HDLBP: variants seen among roughly 807,000 people sequenced by gnomAD.
HDLBP encodes high density lipoprotein binding protein.
HDLBP carries 30 observed loss-of-function variants against 137.3 expected under a neutral mutation model. The ratio of observed to expected loss-of-function variants is 0.22; its 90% CI spans 0.16 to 0.30. The LOEUF is 0.30. Among genes scored for constraint, HDLBP ranks in the 10% least tolerant of loss-of-function variants. The pLI is 1.00. For missense variants in HDLBP, 1,119 were observed against 1,667.3 expected, an observed-to-expected ratio of 0.67 and a Z score of 5.73; for synonymous variants, 606 against 596.0, an observed-to-expected ratio of 1.02 and a Z score of -0.24.
At chr2:241,235,382 C>A in intron 22 of HDLBP, 108 bp downstream of exon 22, 1 of 1,489,992 alleles carries the variant, frequency 6.7e-7, no homozygotes, top group East Asian at 2.3e-5. Flanking sequence ...GTGCCCAGTC[C>A]GAGCAGGAGG....
chr2:241,269,149 A>G (rs1185935597), intron 1 of HDLBP: 1 of 152,270 alleles, frequency 6.6e-6, no homozygotes, highest in Non-Finnish European at 1.5e-5. Flanking sequence ...AGGAACCTTC[A>G]AAGGCTGTCT....
intron 1 of HDLBP, among the ~76,000 whole-genome samples, chr2:241,278,631 C>T (rs2074485732): frequency 6.6e-6 from 1 of 151,896 alleles, no homozygotes; most frequent in African/African-American, 2.4e-5. Context: ...TAACCCATTC[C>T]TAATAGCAAC....
chr2:241,262,599 C>T (rs185770721), intron 5 of HDLBP, 112 bp downstream of exon 5: 34 of 750,090 alleles, frequency 4.5e-5, no homozygotes, highest in Non-Finnish European at 5.7e-5. Flanking sequence ...CTCCAAAAGA[C>T]GGAACTGTCC....
chr2:241,263,485 A>G (rs2073369987), intron 4 of HDLBP, among the ~76,000 whole-genome samples: 1 of 152,278 alleles, frequency 6.6e-6, no homozygotes, highest in Non-Finnish European at 1.5e-5. Context: ...GAGGAGGGAC[A>G]AGGTGGAAGC....
In HDLBP at chr2:241,253,404, C is replaced by G. The variant is rs1223550181; in HGVS notation, c.1282G>C (p.Val428Leu). The change falls in exon 10 of 28, where the codon GTC (valine) becomes CTC (leucine). Residue 428 changes from valine to leucine, a missense_variant. Physicochemically the swap from Val to Leu is conservative, Grantham distance 32 (BLOSUM62 1). This residue lies in a region of HDLBP where 425 missense variants were observed against 693.9 expected (regional missense o/e 0.61). Coordinates refer to ENST00000310931, the MANE Select transcript of HDLBP (RefSeq NM_005336.6). ...AAGGGGTACCTTACCAAATCTTTGACCATGCCTTCTATCTGTTCCTGGGCC... is the reference window on the plus strand; with the variant it reads ...AAGGGGTACCTTACCAAATCTTTGAGCATGCCTTCTATCTGTTCCTGGGCC... ...NVAQEQIEGM[V>L]KDLINRMDYV... is the part of the protein sequence containing the mutation. 6.2e-7 allele frequency: 1 copy of G among 1,606,486 alleles called. No individual in the cohort carries two copies. The highest frequency in any genetic ancestry group is 1.3e-5 in the African/African-American group (1 of 74,792).
intron 1 of HDLBP, among the ~76,000 whole-genome samples, chr2:241,304,394 A>T (rs546795414): frequency 8.5e-5 from 13 of 152,348 alleles, no homozygotes; most frequent in African/African-American, 3.1e-4. Flanking sequence ...TATCAGCCTT[A>T]GAGCTGGATC....
In HDLBP at chr2:241,249,963, G is replaced by C. The variant is rs1559501621; in HGVS notation, c.1390C>G (p.Gln464Glu). The C allele has an allele frequency of 1.2e-6, 2 of 1,605,000 alleles. No homozygotes were observed. The highest frequency in any genetic ancestry group is 1.7e-6 in the Non-Finnish European group (2 of 1,177,280). ...SGANINRIKDQYKVSVRIPPD... is the reference protein window; with the variant it reads ...SGANINRIKDEYKVSVRIPPD... ...GGGATGCGCACGGACACCTTGTACT[G>C]GTCTTTGATTCTGTTTACTTAGGAA... is the stretch of plus-strand genomic sequence containing the variant. Residue 464 changes from glutamine (Q) to glutamate (E), a missense_variant, in exon 12 of 28, where the codon CAG becomes GAG. Transcript: ENST00000310931.
At chr2:241,242,177 C>G (rs74000620) in intron 17 of HDLBP, among the ~76,000 whole-genome samples, 2 of 152,254 alleles carry the variant, frequency 1.3e-5, no homozygotes, top group Admixed American at 6.5e-5. Flanking sequence ...TCAACTATAC[C>G]TGAAGAATGG....
chr2:241,256,578 G>A (rs370832987), intron 6 of HDLBP, 22 bp downstream of exon 6: 34 of 1,610,104 alleles, frequency 2.1e-5, no homozygotes, highest in African/African-American at 1.3e-4. Context: ...GCAGGGGCAC[G>A]AGGCACTCAC....
rs984573802 is a variant in HDLBP at position 241,272,602 on chromosome 2, G to A, written c.-102-4061C>T. On this transcript the variant is annotated intron_variant, in intron 1 of 27. Coordinates refer to ENST00000310931, the MANE Select transcript of HDLBP (RefSeq NM_005336.6). The surrounding 1 kb of genome is among the most constrained non-coding windows in gnomAD (Gnocchi z 5.6). ...GCGGTAAGCAGGACACCCGCGGGCG[G>A]GGGCCGCAGCCTGGGGCCCGGGTGG... 6.1e-6 allele frequency: 6 copies of A among 982,566 alleles called. No homozygotes were observed. Among genetic ancestry groups the A allele is most frequent in the Non-Finnish European group, 7.2e-6 (6 of 828,334 alleles). 60.9% of individuals were successfully genotyped at this position (982,566 alleles called of 1,614,324 possible).
chr2:241,298,673 T>C (rs564049065), intron 1 of HDLBP, among the ~76,000 whole-genome samples: 1 of 152,322 alleles, frequency 6.6e-6, no homozygotes, highest in Admixed American at 6.5e-5. Context: ...AGCACCTGAA[T>C]CAAGCAAGTA....
chr2:241,270,377 G>C (rs2073960083), intron 1 of HDLBP, among the ~76,000 whole-genome samples: 1 of 152,170 alleles, frequency 6.6e-6, no homozygotes, highest in Non-Finnish European at 1.5e-5. Flanking sequence ...ATTCCAAGTG[G>C]CAGTTTGTCA....
chr2:241,298,567 A>G (rs950706150), intron 1 of HDLBP, among the ~76,000 whole-genome samples: 6 of 152,204 alleles, frequency 3.9e-5, no homozygotes, highest in South Asian at 2.1e-4. Flanking sequence ...AAGTTGAGAT[A>G]GTTGAGATAA....
Position 241,272,359 on chromosome 2 carries a change from A to G in HDLBP, c.-102-3818T>C, listed in dbSNP as rs1284224562. On this transcript the variant is annotated intron_variant, in intron 1 of 27. Transcript: ENST00000310931. This position sits in a 1 kb window ranked among gnomAD's most constrained non-coding sequence, Gnocchi z 5.6. ...AGGGCCGGCCCCGCCAACGTCAGCG[A>G]CCTGGGCTCAGGTCGGCCGCCCCTC... 1.0e-6 allele frequency: 1 copy of G among 982,986 alleles called. No homozygotes were observed. Among genetic ancestry groups the G allele is most frequent in the Non-Finnish European group, 1.2e-6 (1 of 829,286 alleles). The allele number at this position is 982,986 out of a possible 1,614,324, so 60.9% of individuals were successfully genotyped here. A position where few individuals can be genotyped will look rare whatever the true frequency, so the allele number is the denominator to read the frequency against.
chr2:241,244,763 TAC>T (rs1213592427), intron 16 of HDLBP, among the ~76,000 whole-genome samples: 3 of 152,178 alleles, frequency 2.0e-5, no homozygotes, highest in Non-Finnish European at 4.4e-5. Flanking sequence ...TGTGGATAAA[TAC>T]ATACATTTTT....
At position 241,272,594 on chromosome 2, in the gene HDLBP, C is replaced by A; in HGVS notation, c.-102-4053G>T. On this transcript the variant is annotated intron_variant, in intron 1 of 27. Transcript: ENST00000310931. This position sits in a 1 kb window ranked among gnomAD's most constrained non-coding sequence, Gnocchi z 5.6. The stretch of plus-strand genomic sequence containing the variant: ...CGCCACGCGCGGTAAGCAGGACACC[C>A]GCGGGCGGGGGCCGCAGCCTGGGGC... 1.0e-6 allele frequency: 1 copy of A among 983,784 alleles called. No individual in the cohort carries two copies. The highest frequency in any genetic ancestry group is 1.2e-6 in the Non-Finnish European group (1 of 829,172). The allele number at this position is 983,784 out of a possible 1,614,324, so 60.9% of individuals were successfully genotyped here.
chr2:241,264,655 T>A, intron 3 of HDLBP, 50 bp from the exon 4 acceptor site: 1 of 1,569,392 alleles, frequency 6.4e-7, no homozygotes, highest in Non-Finnish European at 8.7e-7. Flanking sequence ...TAGCATTACA[T>A]GAAAAACACT....
At chr2:241,285,037 C>T (rs1056592691) in intron 1 of HDLBP, among the ~76,000 whole-genome samples, 4 of 152,198 alleles carry the variant, frequency 2.6e-5, no homozygotes, top group African/African-American at 9.6e-5. Context: ...TGCTCCGCCA[C>T]ACCCAGCTAA....
intron 12 of HDLBP, chr2:241,249,384 A>C (rs2071936580): frequency 4.2e-6 from 2 of 472,430 alleles, no homozygotes; most frequent in South Asian, 3.1e-5. Context: ...ACAGCTTGGC[A>C]TAAGCATGTA....
Sources: allele counts gnomAD v4.1 joint callset (sites outside exome capture counted in the v4.1 genomes callset), GRCh38; gene constraint gnomAD v4.1.1; regional missense constraint gnomAD v4.1.1; non-coding constraint Gnocchi (gnomAD v3.1); transcripts MANE v1.5; gene names NCBI Gene and HGNC (gene_info 2026-07-23, HGNC 2026-07-21).